ABHD17A: variants seen among roughly 807,000 people sequenced by gnomAD.
ABHD17A encodes abhydrolase domain containing 17A, depalmitoylase, also known as alpha/beta hydrolase domain-containing protein 17A.
Under a neutral mutation model 26.8 loss-of-function variants are expected in ABHD17A, and 10 were observed. The observed-to-expected ratio is 0.37, with a 90% CI of 0.23 to 0.63. The LOEUF is 0.63. Ranked by LOEUF, ABHD17A falls within the 30% of genes least tolerant of loss-of-function variation. ABHD17A has a pLI of 0.61. For missense variants in ABHD17A, 292 were observed against 457.3 expected, an observed-to-expected ratio of 0.64 and a Z score of 3.30; for synonymous variants, 167 against 210.9, an observed-to-expected ratio of 0.79 and a Z score of 1.80.
chr19:1,876,943 T>C lies in ABHD17A; in HGVS notation c.*257A>G, dbSNP rs2012372194. On this transcript the variant is annotated 3_prime_UTR_variant, in exon 5 of 5. Coordinates refer to ENST00000292577, the MANE Select transcript of ABHD17A (RefSeq NM_001130111.2). The stretch of plus-strand genomic sequence containing the variant: ...CGAGCTCGCTGAGCGCTCGAGAGAG[T>C]GAGCAGAGCCATGAAAGGAAGGAGA... The C allele has an allele frequency of 3.9e-6, 2 of 508,092 alleles. No individual in the cohort carries two copies. Among genetic ancestry groups the C allele is most frequent in the Non-Finnish European group, 3.5e-6 (1 of 283,266 alleles). 31.5% of individuals were successfully genotyped at this position (508,092 alleles called of 1,614,324 possible).
chr19:1,885,257 G>A (rs2012648256), intron 1 of ABHD17A, 95 bp downstream of exon 1: 1 of 151,954 alleles, frequency 6.6e-6, no homozygotes, highest in African/African-American at 2.4e-5. Context: ...GGACTGCAGG[G>A]GTCTCGGGGA....
Position 1,885,366 on chromosome 19 carries a change from C to A in ABHD17A, c.-253G>T, listed in dbSNP as rs1264628079. The A allele has an allele frequency of 6.6e-6, 1 of 151,648 alleles. No homozygotes were observed. The highest frequency in any genetic ancestry group is 2.4e-5 in the African/African-American group (1 of 41,246). 9.4% of individuals were successfully genotyped at this position (151,648 alleles called of 1,614,324 possible). ...CCGGCACTCACCACCCCGGCCCGCGCCCCCGGGCCCCAGGGCCGCGCTCCA... is the reference window on the plus strand; with the variant it reads ...CCGGCACTCACCACCCCGGCCCGCGACCCCGGGCCCCAGGGCCGCGCTCCA... On this transcript the variant is annotated 5_prime_UTR_variant, in exon 1 of 5. Coordinates refer to ENST00000292577, the MANE Select transcript of ABHD17A (RefSeq NM_001130111.2).
rs777962872 is a variant in ABHD17A at position 1,877,314 on chromosome 19, C to A, written c.819G>T (p.Ala273=). The part of the protein sequence containing the change: ...GLALYERCPK[A]VEPLWVEGAG... The stretch of plus-strand genomic sequence containing the variant: ...CGCCCTCCACCCACAGCGGCTCCAC[C>A]GCCTTGGGGCAGCGCTCGTAGAGCG... The change falls in exon 5 of 5, where the codon GCG becomes GCT. Residue 273 remains alanine (A), a synonymous_variant. Transcript: ENST00000292577. The A allele has an allele frequency of 1.6e-5, 24 of 1,532,154 alleles. No homozygotes were observed. The East Asian group carries it at 5.9e-4, about 37-fold the overall frequency. 94.9% of individuals were successfully genotyped at this position (1,532,154 alleles called of 1,614,324 possible). A position where few individuals can be genotyped will look rare whatever the true frequency, so the allele number is the denominator to read the frequency against.
At chr19:1,878,088 A>G (rs2012422002) in intron 3 of ABHD17A, 2 of 220,786 alleles carry the variant, frequency 9.1e-6, no homozygotes, top group Non-Finnish European at 1.8e-5. Flanking sequence ...GGGTTAGAAA[A>G]CCGTTCCTGG....
At chr19:1,884,813 G>C (rs1291310705) in intron 1 of ABHD17A, among the ~76,000 whole-genome samples, 2 of 152,178 alleles carry the variant, frequency 1.3e-5, no homozygotes, top group Non-Finnish European at 2.9e-5. Flanking sequence ...CATCCTGGGA[G>C]AAATGGCGGG....
chr19:1,877,547 G>A lies in ABHD17A; in HGVS notation c.668C>T (p.Pro223Leu). Residue 223 changes from proline (P) to leucine (L), a missense_variant, in exon 4 of 5, where the codon CCC becomes CTC. Transcript: ENST00000292577. ...PLTSGMRVAF[P>L]DTKKTYCFDA... ...GAAGCAGTAGGTCTTCTTGGTGTCG[G>A]GGAAGGCGACGCGCATGCCCGAGGT... 1 of 1,588,862 alleles carries A rather than the reference G, an allele frequency of 6.3e-7. No homozygotes were observed. The highest frequency in any genetic ancestry group is 2.3e-4 in the Middle Eastern group (1 of 4,406).
chr19:1,884,828 CGAA>C (rs2012633160), intron 1 of ABHD17A, among the ~76,000 whole-genome samples: 1 of 151,988 alleles, frequency 6.6e-6, no homozygotes, highest in Non-Finnish European at 1.5e-5. Context: ...GGCGGGGCCG[CGAA>C]GAAGTCCCGA....
chr19:1,881,433 G>A lies in ABHD17A; in HGVS notation c.134C>T (p.Pro45Leu), dbSNP rs761281886. ...CAAGGGGGCGGCCCCGGCCCCACCA[G>A]GCCCCGGCTCGGGCTCAGGCACCAG... is the stretch of plus-strand genomic sequence containing the variant. The part of the protein sequence containing the change: ...YSLVPEPEPG[P>L]GGAGAAPLGT... Residue 45 changes from proline to leucine, a missense_variant, in exon 2 of 5, where the codon CCT becomes CTT. Transcript: ENST00000292577. 2 of 1,602,270 alleles carry A rather than the reference G, an allele frequency of 1.2e-6. No individual in the cohort carries two copies. Among genetic ancestry groups the A allele is most frequent in the Non-Finnish European group, 1.7e-6 (2 of 1,178,104 alleles).
intron 2 of ABHD17A, 153 bp downstream of exon 2, chr19:1,881,082 G>A (rs202175847): frequency 4.4e-6 from 7 of 1,583,732 alleles, no homozygotes; most frequent in African/African-American, 4.0e-5. Context: ...GACGAGGCCG[G>A]CCTGACGGGG....
rs2012651454 is a variant in ABHD17A at position 1,885,339 on chromosome 19, G to C, written c.-239+13C>G. The C allele has an allele frequency of 6.6e-6, 1 of 151,204 alleles. No homozygotes were observed. Among genetic ancestry groups the C allele is most frequent in the African/African-American group, 2.4e-5 (1 of 41,156 alleles). The allele number at this position is 151,204 out of a possible 1,614,324, so 9.4% of individuals were successfully genotyped here. ...CGCGGCCGCGCCCGCCCCCGCCCCT[G>C]CCCGGCACTCACCACCCCGGCCCGC... On this transcript the variant is annotated intron_variant, in intron 1 of 4. Transcript: ENST00000292577.
chr19:1,880,899 G>A lies in ABHD17A; in HGVS notation c.332+336C>T. The A allele has an allele frequency of 6.2e-7, 1 of 1,613,050 alleles. No homozygotes were observed. The highest frequency in any genetic ancestry group is 8.5e-7 in the Non-Finnish European group (1 of 1,179,902). Reference sequence around the variant, plus strand: ...TCAGATCTGGTCAGAACCCCACCTGGCGAGAAGGTGGATGTACCCGCAGGC... The same window carrying A: ...TCAGATCTGGTCAGAACCCCACCTGACGAGAAGGTGGATGTACCCGCAGGC... On this transcript the variant is annotated intron_variant, in intron 2 of 4. Coordinates refer to ENST00000292577, the MANE Select transcript of ABHD17A (RefSeq NM_001130111.2). This position sits in a 1 kb window ranked among gnomAD's most constrained non-coding sequence, Gnocchi z 4.1.
At chr19:1,884,691 G>T (rs987844722) in intron 1 of ABHD17A, among the ~76,000 whole-genome samples, 2 of 152,116 alleles carry the variant, frequency 1.3e-5, no homozygotes, top group Non-Finnish European at 2.9e-5. Context: ...CAAAATCCGA[G>T]GTGACAGAGC....
At chr19:1,885,101 G>T (rs908763978) in intron 1 of ABHD17A, among the ~76,000 whole-genome samples, 1 of 152,228 alleles carries the variant, frequency 6.6e-6, no homozygotes, top group Non-Finnish European at 1.5e-5. Context: ...CTCCCCGAAG[G>T]CAAGGGCCGC....
intron 1 of ABHD17A, among the ~76,000 whole-genome samples, chr19:1,884,622 T>A (rs181787227): frequency 3.0e-3 from 449 of 151,346 alleles, no homozygotes; most frequent in Non-Finnish European, 5.5e-3. Context: ...CGCGGCCATA[T>A]CAGAGGGCAG....
chr19:1,883,005 A>T lies in ABHD17A; in HGVS notation c.-238-1201T>A, dbSNP rs1358798137. On this transcript the variant is annotated intron_variant, in intron 1 of 4. Transcript: ENST00000292577. The stretch of plus-strand genomic sequence containing the variant: ...GGGGACACCCTCACTACCAAGGAGC[A>T]GCCTCAGGCCCAGAAACACACCTGC... The T allele has an allele frequency of 2.6e-5, 4 of 152,220 alleles. No homozygotes were observed. In the East Asian group the frequency reaches 7.7e-4, roughly 29 times the overall value. The allele number at this position is 152,220 out of a possible 1,614,324, so 9.4% of individuals were successfully genotyped here.
chr19:1,877,112 G>C lies in ABHD17A; in HGVS notation c.*88C>G. 2 of 1,328,690 alleles carry C rather than the reference G, an allele frequency of 1.5e-6. No homozygotes were observed. Among genetic ancestry groups the C allele is most frequent in the Non-Finnish European group, 2.0e-6 (2 of 977,580 alleles). 82.3% of individuals were successfully genotyped at this position (1,328,690 alleles called of 1,614,324 possible). A position where few individuals can be genotyped will look rare whatever the true frequency, so the allele number is the denominator to read the frequency against. On this transcript the variant is annotated 3_prime_UTR_variant, in exon 5 of 5. Transcript: ENST00000292577. ...CGGGGTCCCCTGGGCCGCCCGGGGG[G>C]TCCACATGCAGCCCCTGGGTGGGGG...
chr19:1,881,543 C>G lies in ABHD17A; in HGVS notation c.24G>C (p.Glu8Asp), dbSNP rs760405300. MNGLSLS[E>D]LCCLFCCPPC... ...GCGGGCAGCAGAAGAGGCAGCAGAG[C>G]TCACTCAGCGACAGCCCATTCATGG... The change falls in exon 2 of 5, where the codon GAG (glutamate) becomes GAC (aspartate). Residue 8 changes from glutamate (E) to aspartate (D), a missense_variant. Around this residue, in one of 4 missense-constraint regions of ABHD17A, gnomAD observed 171 missense variants for 216.1 expected, o/e 0.79. Coordinates refer to ENST00000292577, the MANE Select transcript of ABHD17A (RefSeq NM_001130111.2). 2 of 1,602,520 alleles carry G rather than the reference C, an allele frequency of 1.2e-6. No homozygotes were observed. Among genetic ancestry groups the G allele is most frequent in the South Asian group, 2.2e-5 (2 of 90,830 alleles).
rs1472144069 is a variant in ABHD17A, at chr19:1,877,529, T to C, written c.686A>G (p.Tyr229Cys). 2 of 1,593,946 alleles carry C rather than the reference T, an allele frequency of 1.3e-6. No homozygotes were observed. Among genetic ancestry groups the C allele is most frequent in the African/African-American group, 2.7e-5 (2 of 74,446 alleles). The change falls in exon 4 of 5, where the codon TAC becomes TGC. Residue 229 changes from tyrosine (Y) to cysteine (C), a missense_variant. Around this residue, in one of 4 missense-constraint regions of ABHD17A, gnomAD observed 88 missense variants for 134.3 expected, o/e 0.66. Coordinates refer to ENST00000292577, the MANE Select transcript of ABHD17A (RefSeq NM_001130111.2). ...RVAFPDTKKT[Y>C]CFDAFPNIEK... ...TCACTTAGGGAAGGCGTCGAAGCAG[T>C]AGGTCTTCTTGGTGTCGGGGAAGGC...
chr19:1,881,741 C>T lies in ABHD17A; in HGVS notation c.-175G>A. The T allele has an allele frequency of 6.8e-6, 6 of 880,808 alleles. No homozygotes were observed. Among genetic ancestry groups the T allele is most frequent in the South Asian group, 4.4e-5 (2 of 45,628 alleles). 54.6% of individuals were successfully genotyped at this position (880,808 alleles called of 1,614,324 possible). On this transcript the variant is annotated 5_prime_UTR_variant, in exon 2 of 5. Coordinates refer to ENST00000292577, the MANE Select transcript of ABHD17A (RefSeq NM_001130111.2). The stretch of plus-strand genomic sequence containing the variant: ...AGGAGGCCAGGGCCCAGCCCCATCG[C>T]GGTCCAAGCCGAGCCCCAGGGAGCC...
Sources: gnomAD v4.1 joint callset for allele counts (sites outside exome capture counted in the v4.1 genomes callset) on GRCh38, gnomAD v4.1.1 for gene constraint, gnomAD v4.1.1 regional missense constraint, Gnocchi (gnomAD v3.1) non-coding constraint, MANE v1.5 for transcripts, NCBI Gene and HGNC (gene_info 2026-07-23, HGNC 2026-07-21) for gene names.